The following MROH2A variants were observed in gnomAD, a reference collection of about 807,000 sequenced individuals.
MROH2A encodes the protein maestro heat-like repeat-containing protein family member 2A.
A neutral mutation model predicts 200.4 loss-of-function variants in MROH2A; 174 were observed. That is an observed-to-expected ratio of 0.87 (90% CI 0.77 to 0.98). MROH2A has a LOEUF of 0.98. Among genes scored for constraint, MROH2A ranks in the 50% least tolerant of loss-of-function variants. MROH2A has a pLI of 0.00. For synonymous variants in MROH2A, 829 were observed against 840.4 expected, an observed-to-expected ratio of 0.99 and a Z score of 0.23; for missense variants, 2,045 against 2,139.6, an observed-to-expected ratio of 0.96 and a Z score of 0.87.
In MROH2A at chr2:233,796,123, C is replaced by T. The variant is rs540072646; in HGVS notation, c.1139-77C>T. On this transcript the variant is annotated intron_variant, in intron 10 of 41. Coordinates refer to ENST00000389758, the MANE Select transcript of MROH2A (RefSeq NM_001394639.1). ...CTGTAGGAGTCCCGGCCCCTCTGAG[C>T]GCTGGGCCTGGGACTGCCTTGCTGG... 1.5e-3 allele frequency: 2,229 copies of T among 1,510,288 alleles called. 2 individuals are homozygous for T. Among genetic ancestry groups the T allele is most frequent in the Admixed American group, 2.5e-3 (124 of 49,836 alleles). The allele number at this position is 1,510,288 out of a possible 1,614,324, so 93.6% of individuals were successfully genotyped here.
In MROH2A at chr2:233,779,304, T is replaced by C. The variant is rs1700817742; in HGVS notation, c.-14-41T>C. The stretch of plus-strand genomic sequence containing the variant: ...GTCGTTGGGGTCATCTTAAGGTGTG[T>C]GTCACACCCCGTATTTTACAAATTC... On this transcript the variant is annotated intron_variant, in intron 1 of 41. Transcript: ENST00000389758. 3.1e-6 allele frequency: 4 copies of C among 1,288,380 alleles called. No homozygotes were observed. The Admixed American group carries it at 7.9e-5, about 25-fold the overall frequency. 79.8% of individuals were successfully genotyped at this position (1,288,380 alleles called of 1,614,324 possible).
chr2:233,813,180 ACAGATGGCTG>A (rs1448518541), intron 24 of MROH2A, among the ~76,000 whole-genome samples: 1 of 152,234 alleles, frequency 6.6e-6, no homozygotes. Flanking sequence ...TTATCAAAAC[ACAGATGGCTG>A]CAGTCCACCC....
chr2:233,776,608 T>C (rs1025832035), upstream of MROH2A, among the ~76,000 whole-genome samples: 3 of 152,136 alleles, frequency 2.0e-5, no homozygotes, highest in African/African-American at 7.2e-5. Context: ...AGAGCCCCCT[T>C]CTTCCTCCTT....
chr2:233,816,110 C>T (rs951147505), intron 26 of MROH2A, among the ~76,000 whole-genome samples: 21 of 151,988 alleles, frequency 1.4e-4, no homozygotes, highest in Admixed American at 1.4e-3. Context: ...GCCCAGATAC[C>T]ATCTATCTTG....
At chr2:233,825,754 C>T (rs977909120) in intron 35 of MROH2A, among the ~76,000 whole-genome samples, 1 of 152,048 alleles carries the variant, frequency 6.6e-6, no homozygotes, top group South Asian at 2.1e-4. Flanking sequence ...CGATGTTCAT[C>T]AGGGATATTG....
At chr2:233,798,321 C>T (rs371972935) in intron 11 of MROH2A, among the ~76,000 whole-genome samples, 5 of 152,154 alleles carry the variant, frequency 3.3e-5, no homozygotes, top group South Asian at 2.1e-4. Context: ...GAAACTGAGG[C>T]GCAGAGGGGC....
At chr2:233,788,995 A>G (rs1161879005) in intron 3 of MROH2A, among the ~76,000 whole-genome samples, 2 of 150,980 alleles carry the variant, frequency 1.3e-5, no homozygotes, top group Non-Finnish European at 2.9e-5. Context: ...CCTGATTAAA[A>G]GTATTCTCAA....
chr2:233,785,307 AAATT>A (rs1701149740), intron 3 of MROH2A, among the ~76,000 whole-genome samples: 1 of 151,964 alleles, frequency 6.6e-6, no homozygotes, highest in Non-Finnish European at 1.5e-5. Flanking sequence ...ATCTCTAAAA[AAATT>A]AATTAATTGG....
chr2:233,832,473 A>T, intron 40 of MROH2A, 106 bp from the exon 41 acceptor site: 1 of 1,079,874 alleles, frequency 9.3e-7, no homozygotes, highest in Non-Finnish European at 1.4e-6. Flanking sequence ...GGGCTCAACA[A>T]AATCTTTCAT....
At chr2:233,800,937 T>G (rs1044538531) in intron 14 of MROH2A, among the ~76,000 whole-genome samples, 12 of 152,280 alleles carry the variant, frequency 7.9e-5, no homozygotes, top group Middle Eastern at 3.4e-3. Flanking sequence ...CAGCGACAGC[T>G]TTTTTTAATT....
At chr2:233,826,358 T>G (rs1704308411) in intron 35 of MROH2A, among the ~76,000 whole-genome samples, 1 of 152,176 alleles carries the variant, frequency 6.6e-6, no homozygotes. Context: ...AGCATGGTAC[T>G]GGTACAAAAA....
intron 14 of MROH2A, among the ~76,000 whole-genome samples, chr2:233,801,142 CA>C (rs1308540505): frequency 2.6e-5 from 4 of 152,228 alleles, no homozygotes; most frequent in Non-Finnish European, 5.9e-5. Context: ...TTAATTTGCT[CA>C]AGGCCTCATA....
chr2:233,779,216 T>A (rs1393054320), intron 1 of MROH2A, 129 bp from the exon 2 acceptor site: 1 of 636,254 alleles, frequency 1.6e-6, no homozygotes, highest in Admixed American at 2.7e-5. Flanking sequence ...TTCTGTTGAT[T>A]AGAAGGAAGT....
upstream of MROH2A, among the ~76,000 whole-genome samples, chr2:233,777,368 T>A (rs2741020): frequency 1.3e-3 from 205 of 152,264 alleles, no homozygotes; most frequent in Non-Finnish European, 2.0e-3. Flanking sequence ...ACCTCAGTGA[T>A]CTTTCAAACG....
chr2:233,790,061 C>A, intron 5 of MROH2A, 47 bp downstream of exon 5: 1 of 1,448,822 alleles, frequency 6.9e-7, no homozygotes, highest in South Asian at 1.4e-5. Context: ...CCCTTCTGGT[C>A]TCTGCCTCTC....
At chr2:233,814,235 A>AG (rs1000204676) in intron 25 of MROH2A, among the ~76,000 whole-genome samples, 11 of 152,158 alleles carry the variant, frequency 7.2e-5, no homozygotes, top group African/African-American at 2.7e-4. Flanking sequence ...CACCCATGCA[A>AG]GGAGTCCTGG....
chr2:233,818,144 T>G lies in MROH2A; in HGVS notation c.3085+19T>G, dbSNP rs1320760436. 2 of 1,549,382 alleles carry G rather than the reference T, an allele frequency of 1.3e-6. No individual in the cohort carries two copies. The highest frequency in any genetic ancestry group is 2.0e-5 in the Admixed American group (1 of 50,970). ...CTTCACGGTATGAGAGGGCAGGACA[T>G]GAGGACCAGCTCCTCTGGGAGGGAG... is the stretch of plus-strand genomic sequence containing the variant. On this transcript the variant is annotated intron_variant, in intron 28 of 41. Coordinates refer to ENST00000389758, the MANE Select transcript of MROH2A (RefSeq NM_001394639.1).
At chr2:233,805,323 G>GCAAT (rs1702725692) in intron 19 of MROH2A, among the ~76,000 whole-genome samples, 1 of 152,180 alleles carries the variant, frequency 6.6e-6, no homozygotes. Context: ...ATTCTGGCTA[G>GCAAT]CAATCACATG....
At chr2:233,789,462 T>C in intron 3 of MROH2A, 35 bp from the exon 4 acceptor site, 1 of 1,363,242 alleles carries the variant, frequency 7.3e-7, no homozygotes, top group Non-Finnish European at 9.5e-7. Flanking sequence ...GGGGGCAGGG[T>C]GAGGTCCATT....
Sources: allele counts gnomAD v4.1 joint callset (sites outside exome capture counted in the v4.1 genomes callset), GRCh38; gene constraint gnomAD v4.1.1; transcripts MANE v1.5; gene names NCBI Gene and HGNC (gene_info 2026-07-23, HGNC 2026-07-21).